The following CFTR variants were observed in gnomAD, a reference collection of about 807,000 sequenced individuals.
CFTR encodes the protein CF transmembrane conductance regulator, also known as cystic fibrosis transmembrane conductance regulator.
CFTR carries 181 observed loss-of-function variants against 171.6 expected under a neutral mutation model. That is an observed-to-expected ratio of 1.05 (90% CI 0.93 to 1.19). The LOEUF (loss-of-function observed/expected upper bound fraction) is 1.19. Ranked by LOEUF, CFTR falls within the 50% of genes most tolerant of loss-of-function variation. The pLI, the probability that CFTR is intolerant of heterozygous loss-of-function variation, is 0.00. For synonymous variants in CFTR, 583 were observed against 608.0 expected (o/e 0.96, Z 0.60); for missense variants, 1,968 against 1,734.7 (o/e 1.13, Z -2.39).
At chr7:117,497,222 A>G (rs1798253879) in intron 1 of CFTR, among the ~76,000 whole-genome samples, 1 of 152,200 alleles carries the variant, frequency 6.6e-6, no homozygotes, top group South Asian at 2.1e-4. Flanking sequence ...GATATTACCA[A>G]GACCTACCTC....
chr7:117,659,835 CAG>C (rs1291351036), intron 24 of CFTR, among the ~76,000 whole-genome samples: 1 of 152,142 alleles, frequency 6.6e-6, no homozygotes, highest in East Asian at 1.9e-4. Context: ...GAGTAGCAAA[CAG>C]AGTATCAAAA....
chr7:117,566,833 T>G (rs1490276626), intron 11 of CFTR, among the ~76,000 whole-genome samples: 1 of 152,188 alleles, frequency 6.6e-6, no homozygotes, highest in Non-Finnish European at 1.5e-5. Context: ...GCAGTCAAAG[T>G]GAAAATGTGC....
chr7:117,663,975 T>C (rs754858691), intron 24 of CFTR, among the ~76,000 whole-genome samples: 1 of 152,028 alleles, frequency 6.6e-6, no homozygotes, highest in Non-Finnish European at 1.5e-5. Flanking sequence ...AGCCTTTGAC[T>C]CTAATACAGC....
chr7:117,577,657 C>T (rs1015704312), intron 11 of CFTR, among the ~76,000 whole-genome samples: 6 of 152,064 alleles, frequency 3.9e-5, no homozygotes, highest in Non-Finnish European at 8.8e-5. Context: ...TACAGTACAT[C>T]TAACAAGAAC....
chr7:117,582,539 C>G (rs1330213805), intron 11 of CFTR, among the ~76,000 whole-genome samples: 1 of 152,224 alleles, frequency 6.6e-6, no homozygotes, highest in South Asian at 2.1e-4. Context: ...CCCATTCCCT[C>G]TAATCTGGGA....
chr7:117,563,347 A>G (rs1398130704), intron 11 of CFTR, among the ~76,000 whole-genome samples: 1 of 152,150 alleles, frequency 6.6e-6, no homozygotes, highest in South Asian at 2.1e-4. Context: ...CTAATAGGAA[A>G]CCATTTCAGG....
chr7:117,552,488 T>G (rs1377037393), intron 10 of CFTR, among the ~76,000 whole-genome samples: 3 of 152,180 alleles, frequency 2.0e-5, no homozygotes, highest in Non-Finnish European at 4.4e-5. Flanking sequence ...ATCAAAAAGA[T>G]ATCTGTTACA....
In CFTR at chr7:117,627,549, T is replaced by C. The variant is rs754847820; in HGVS notation, c.3496T>C (p.Phe1166Leu). The C allele has an allele frequency of 6.2e-7, 1 of 1,613,198 alleles. No individual in the cohort carries two copies. ...GCGATCTGTGAGCCGAGTCTTTAAG[T>C]TCATTGACATGCCAACAGAAGGTAA... The part of the protein sequence containing the change: ...LMRSVSRVFK[F>L]IDMPTEGKPT... Residue 1166 changes from phenylalanine (F) to leucine (L), a missense_variant, in exon 22 of 27, where the codon TTC (phenylalanine) becomes CTC (leucine). Phe to Leu is a conservative substitution (Grantham distance 22, BLOSUM62 0). Coordinates refer to ENST00000003084, the MANE Select transcript of CFTR (RefSeq NM_000492.4).
intron 1 of CFTR, among the ~76,000 whole-genome samples, chr7:117,493,903 A>T (rs1185894430): frequency 6.6e-6 from 1 of 152,098 alleles, no homozygotes; most frequent in African/African-American, 2.4e-5. Context: ...CCTTCTGAGA[A>T]ATAATCATGT....
chr7:117,627,387 T>C (rs767855651), intron 21 of CFTR, 135 bp from the exon 22 acceptor site: 38 of 918,762 alleles, frequency 4.1e-5, no homozygotes, highest in Non-Finnish European at 6.1e-5. Context: ...TGTTAGTTCA[T>C]TGAAAAGCCC....
rs1290078234 is a variant in CFTR at position 117,540,098 on chromosome 7, A to G, written c.870-2A>G. The stretch of plus-strand genomic sequence containing the variant: ...GAATTTTATTGTTATTGTTTTTTAT[A>G]GAACAGAACTGAAACTGACTCGGAA... On this transcript the variant is annotated splice_acceptor_variant, in intron 7 of 26. Transcript: ENST00000003084. LOFTEE classifies it high-confidence loss of function. 3.1e-6 allele frequency: 5 copies of G among 1,610,824 alleles called. No individual in the cohort carries two copies. In the Admixed American group the frequency reaches 6.7e-5, roughly 22 times the overall value.
chr7:117,611,789 C>T lies in CFTR; in HGVS notation c.3348C>T (p.Phe1116=). 1 of 1,611,512 alleles carries T rather than the reference C, an allele frequency of 6.2e-7. No individual in the cohort carries two copies. The highest frequency in any genetic ancestry group is 8.5e-7 in the Non-Finnish European group (1 of 1,178,184). Residue 1116 remains phenylalanine, a synonymous_variant, in exon 20 of 27, where the codon TTC becomes TTT. Transcript: ENST00000003084. ...IFVIFFIAVT[F]ISILTTGEGE... is the part of the protein sequence containing the mutation. ...TCATCTTCTTCATTGCTGTTACCTT[C>T]ATTTCCATTTTAACAACAGGTACTA...
Position 117,603,634 on chromosome 7 carries a change from G to A in CFTR, c.2760G>A (p.Val920=), listed in dbSNP as rs1440315160. The change falls in exon 17 of 27, where the codon GTG becomes GTA. Residue 920 remains valine, a synonymous_variant. Coordinates refer to ENST00000003084, the MANE Select transcript of CFTR (RefSeq NM_000492.4). ...CGTATTATGTGTTTTACATTTACGT[G>A]GGAGTAGCCGACACTTTGCTTGCTA... ...TSSYYVFYIY[V]GVADTLLAMG... 1.2e-6 allele frequency: 2 copies of A among 1,613,954 alleles called. No individual in the cohort carries two copies. The highest frequency in any genetic ancestry group is 2.2e-5 in the East Asian group (1 of 44,890).
intron 9 of CFTR, among the ~76,000 whole-genome samples, chr7:117,547,942 C>G (rs373677944): frequency 2.0e-5 from 3 of 152,120 alleles, no homozygotes; most frequent in Admixed American, 2.0e-4. Flanking sequence ...TCCTCCTGAT[C>G]AATCTTTAGG....
At chr7:117,596,177 G>A (rs1447794679) in intron 15 of CFTR, among the ~76,000 whole-genome samples, 3 of 104 alleles carry the variant, frequency 0.029, no homozygotes, top group African/African-American at 0.05. Flanking sequence ...CTGGGGCTGC[G>A]GGTGCCTTGT....
At chr7:117,578,185 C>A (rs569541808) in intron 11 of CFTR, among the ~76,000 whole-genome samples, 2 of 151,750 alleles carry the variant, frequency 1.3e-5, no homozygotes, top group Non-Finnish European at 2.9e-5. Flanking sequence ...TCCACTTACA[C>A]GTATTTTTTT....
At chr7:117,567,246 G>A (rs1383544151) in intron 11 of CFTR, among the ~76,000 whole-genome samples, 1 of 152,166 alleles carries the variant, frequency 6.6e-6, no homozygotes, top group Non-Finnish European at 1.5e-5. Context: ...AGGAGGTCAA[G>A]AGAAATCTTA....
intron 20 of CFTR, among the ~76,000 whole-genome samples, chr7:117,613,195 A>G (rs1236809462): frequency 6.6e-6 from 1 of 152,248 alleles, no homozygotes; most frequent in Non-Finnish European, 1.5e-5. Context: ...AGAAGGCTGA[A>G]TTACATAAAT....
At chr7:117,664,308 C>T (rs1417071980) in intron 24 of CFTR, among the ~76,000 whole-genome samples, 1 of 152,112 alleles carries the variant, frequency 6.6e-6, no homozygotes, top group Non-Finnish European at 1.5e-5. Context: ...GCAATGTATA[C>T]ATATTATCTT....
Sources: allele counts gnomAD v4.1 joint callset (sites outside exome capture counted in the v4.1 genomes callset), GRCh38; gene constraint gnomAD v4.1.1; transcripts MANE v1.5; gene names NCBI Gene and HGNC (gene_info 2026-07-23, HGNC 2026-07-21).